HACE1: variants seen among roughly 807,000 people sequenced by gnomAD.
HACE1 encodes the protein HECT domain and ankyrin repeat containing E3 ubiquitin protein ligase 1.
HACE1 carries 73 observed loss-of-function variants against 118.4 expected under a neutral mutation model. The ratio of observed to expected loss-of-function variants is 0.62; its 90% CI spans 0.51 to 0.75. The LOEUF (loss-of-function observed/expected upper bound fraction) is 0.75. HACE1 is among the 30% of genes least tolerant of loss of function. The pLI, the probability that HACE1 is intolerant of heterozygous loss-of-function variation, is 0.00. For missense variants in HACE1, 749 were observed against 1,102.2 expected (o/e 0.68, Z 4.54); for synonymous variants, 368 against 374.8 (o/e 0.98, Z 0.21).
chr6:104,748,835 G>A (rs984437406), intron 20 of HACE1, among the ~76,000 whole-genome samples: 21 of 152,154 alleles, frequency 1.4e-4, no homozygotes, highest in East Asian at 5.8e-4. Context: ...TAAAATAGGC[G>A]AATCTCGTCT....
At chr6:104,831,874 C>A (rs1218237397) in intron 6 of HACE1, among the ~76,000 whole-genome samples, 1 of 142,116 alleles carries the variant, frequency 7.0e-6, no homozygotes, top group Non-Finnish European at 1.5e-5. Context: ...GCCTGGGGAA[C>A]AGAGTGAGAC....
At chr6:104,808,916 T>C (rs1461923313) in intron 7 of HACE1, among the ~76,000 whole-genome samples, 1 of 152,188 alleles carries the variant, frequency 6.6e-6, no homozygotes, top group Non-Finnish European at 1.5e-5. Context: ...ACCATCTTTG[T>C]TCAAAAAGAT....
At chr6:104,734,024 C>T (rs1775510018) in intron 22 of HACE1, among the ~76,000 whole-genome samples, 1 of 151,014 alleles carries the variant, frequency 6.6e-6, no homozygotes, top group Non-Finnish European at 1.5e-5. Context: ...TGGTGGTAAG[C>T]GCCTGTAATC....
intron 10 of HACE1, among the ~76,000 whole-genome samples, chr6:104,793,064 C>G (rs191789248): frequency 6.6e-6 from 1 of 151,240 alleles, no homozygotes; most frequent in Non-Finnish European, 1.5e-5. Flanking sequence ...GTCAGGAGAT[C>G]GAGACCATCC....
intron 19 of HACE1, among the ~76,000 whole-genome samples, chr6:104,752,967 A>G (rs1046580506): frequency 2.0e-5 from 3 of 152,176 alleles, no homozygotes; most frequent in Non-Finnish European, 4.4e-5. Context: ...AATCCTAGCT[A>G]TCATAAACAC....
chr6:104,736,474 G>A (rs979623828), intron 22 of HACE1, among the ~76,000 whole-genome samples: 3 of 152,022 alleles, frequency 2.0e-5, no homozygotes, highest in African/African-American at 7.2e-5. Flanking sequence ...TGTAGAGACG[G>A]TTTCGCCATG....
rs1769596941 is a variant in HACE1 at position 104,796,147 on chromosome 6, A to G, written c.817-462T>C. Among the ~76,000 whole-genome samples, 3 of 152,120 alleles carry G rather than the reference A, an allele frequency of 2.0e-5. No homozygotes were observed. In the South Asian group the frequency reaches 6.2e-4, roughly 32 times the overall value. On this transcript the variant is annotated intron_variant, in intron 9 of 23. Transcript: ENST00000262903. ...AAGATAGAGCATCACTGTATCGCCC[A>G]GGCTAGAGTGTAGTGGGCAGTGACA...
chr6:104,812,866 C>CT (rs1381966823), intron 6 of HACE1, among the ~76,000 whole-genome samples: 1 of 152,186 alleles, frequency 6.6e-6, no homozygotes, highest in African/African-American at 2.4e-5. Context: ...GAAACAGACT[C>CT]TCCCCCTAGG....
chr6:104,791,954 C>T (rs891161483), intron 10 of HACE1, among the ~76,000 whole-genome samples: 1 of 152,158 alleles, frequency 6.6e-6, no homozygotes, highest in South Asian at 2.1e-4. Context: ...AACTTCAAGG[C>T]AACTCCTAAA....
intron 22 of HACE1, among the ~76,000 whole-genome samples, chr6:104,736,805 T>C (rs1775890316): frequency 6.6e-6 from 1 of 152,108 alleles, no homozygotes; most frequent in Non-Finnish European, 1.5e-5. Context: ...ATTTATAGTG[T>C]GAGTCCAACT....
At chr6:104,843,150 GC>G in intron 5 of HACE1, 72 bp downstream of exon 5, 2 of 828,434 alleles carry the variant, frequency 2.4e-6, no homozygotes, top group Non-Finnish European at 2.1e-6. Flanking sequence ...ACTACACTTT[GC>G]CTAACTGTCA....
chr6:104,738,491 A>C (rs1447076823), intron 22 of HACE1, among the ~76,000 whole-genome samples: 1 of 149,988 alleles, frequency 6.7e-6, no homozygotes, highest in Non-Finnish European at 1.5e-5. Flanking sequence ...ATGGAGCTGA[A>C]AACCAAGGCT....
In HACE1 at chr6:104,795,561, T is replaced by C. The variant is rs1456301605; in HGVS notation, c.923+18A>G. On this transcript the variant is annotated intron_variant, in intron 10 of 23. Transcript: ENST00000262903. ...GACACTGCTACCTATTGATTTCCTC[T>C]TATTGCGAAACACTTACCTAAGCAG... 7.1e-6 allele frequency: 10 copies of C among 1,411,888 alleles called. No individual in the cohort carries two copies. The highest frequency in any genetic ancestry group is 1.0e-5 in the Non-Finnish European group (10 of 995,302). The allele number at this position is 1,411,888 out of a possible 1,614,324, so 87.5% of individuals were successfully genotyped here. A position where few individuals can be genotyped will look rare whatever the true frequency, so the allele number is the denominator to read the frequency against.
chr6:104,783,209 C>A (rs1781928110), intron 14 of HACE1, among the ~76,000 whole-genome samples: 1 of 152,136 alleles, frequency 6.6e-6, no homozygotes. Context: ...TTTTTTCAAG[C>A]TTTCTCAAGG....
At chr6:104,784,352 T>A in intron 13 of HACE1, 65 bp downstream of exon 13, 7 of 1,093,318 alleles carry the variant, frequency 6.4e-6, no homozygotes, top group Non-Finnish European at 9.9e-6. Context: ...TTTTTCTGTT[T>A]AGATGAAACT....
intron 20 of HACE1, among the ~76,000 whole-genome samples, chr6:104,748,976 G>C (rs1777748339): frequency 6.6e-6 from 1 of 152,098 alleles, no homozygotes; most frequent in African/African-American, 2.4e-5. Context: ...GGTATGTTCA[G>C]TTTGTTAAAA....
intron 18 of HACE1, 80 bp from the exon 19 acceptor site, chr6:104,771,469 C>G: frequency 3.5e-6 from 3 of 850,408 alleles, no homozygotes; most frequent in Admixed American, 2.0e-5. Context: ...CTGCCCTCTA[C>G]AGATATTCTG....
At chr6:104,852,192 A>C in intron 2 of HACE1, 125 bp downstream of exon 2, 2 of 591,994 alleles carry the variant, frequency 3.4e-6, no homozygotes, top group Non-Finnish European at 6.0e-6. Context: ...ATCTATGTCC[A>C]AACTGTCTGT....
intron 7 of HACE1, among the ~76,000 whole-genome samples, chr6:104,798,471 A>G (rs577282694): frequency 1.3e-5 from 2 of 152,258 alleles, no homozygotes; most frequent in South Asian, 4.2e-4. Context: ...TAGGTCTATC[A>G]CTCTCTTGAT....
Sources: gnomAD v4.1 joint callset for allele counts (sites outside exome capture counted in the v4.1 genomes callset) on GRCh38, gnomAD v4.1.1 for gene constraint, MANE v1.5 for transcripts, NCBI Gene and HGNC (gene_info 2026-07-23, HGNC 2026-07-21) for gene names.